The following IMMP2L variants were observed in gnomAD, a reference collection of about 807,000 sequenced individuals.
IMMP2L encodes the protein inner mitochondrial membrane peptidase subunit 2.
IMMP2L carries 18 observed loss-of-function variants against 19.3 expected under a neutral mutation model. That is an observed-to-expected ratio of 0.93 (90% confidence interval 0.64 to 1.38). The LOEUF is 1.38. Ranked by LOEUF, IMMP2L falls within the 40% of genes most tolerant of loss-of-function variation. IMMP2L has a pLI of 0.00. For synonymous variants in IMMP2L, 76 were observed against 73.0 expected (o/e 1.04, Z -0.21); for missense variants, 233 against 218.2 (o/e 1.07, Z -0.43).
At chr7:111,255,465 T>A (rs1257557325) in intron 3 of IMMP2L, among the ~76,000 whole-genome samples, 1 of 152,120 alleles carries the variant, frequency 6.6e-6, no homozygotes, top group Non-Finnish European at 1.5e-5. Context: ...TATTTTTTTT[T>A]ACAGAGAAGC....
At chr7:110,953,401 G>A (rs1818032740) in intron 4 of IMMP2L, among the ~76,000 whole-genome samples, 1 of 150,342 alleles carries the variant, frequency 6.7e-6, no homozygotes, top group Non-Finnish European at 1.5e-5. Flanking sequence ...ACCACTTAAT[G>A]AGTGAGAACA....
At chr7:110,664,102 A>G (rs1281435816) in intron 5 of IMMP2L, among the ~76,000 whole-genome samples, 1 of 152,190 alleles carries the variant, frequency 6.6e-6, no homozygotes, top group Non-Finnish European at 1.5e-5. Context: ...CGAGTCCACC[A>G]TCTTAACCAT....
intron 3 of IMMP2L, among the ~76,000 whole-genome samples, chr7:111,306,839 A>T (rs1822931158): frequency 6.6e-6 from 1 of 151,912 alleles, no homozygotes; most frequent in South Asian, 2.1e-4. Flanking sequence ...TCTGCTACCC[A>T]CAGCAAATGG....
intron 5 of IMMP2L, among the ~76,000 whole-genome samples, chr7:110,847,437 A>G (rs1480273092): frequency 5.9e-5 from 9 of 152,208 alleles, no homozygotes. Flanking sequence ...AAACTCAGAT[A>G]ATACAGAAAA....
At chr7:111,003,182 A>C (rs929932938) in intron 3 of IMMP2L, among the ~76,000 whole-genome samples, 4 of 152,076 alleles carry the variant, frequency 2.6e-5, no homozygotes, top group African/African-American at 9.7e-5. Flanking sequence ...TCTGGCTCTA[A>C]AACTGTTATT....
intron 3 of IMMP2L, among the ~76,000 whole-genome samples, chr7:111,013,702 G>A (rs1015479768): frequency 1.3e-5 from 2 of 152,112 alleles, no homozygotes; most frequent in Non-Finnish European, 2.9e-5. Flanking sequence ...TCATTTTACA[G>A]TGAAGTAGAA....
At chr7:110,973,572 T>C (rs185883004) in intron 3 of IMMP2L, among the ~76,000 whole-genome samples, 60 of 152,268 alleles carry the variant, frequency 3.9e-4, no homozygotes, top group Middle Eastern at 3.4e-3. Flanking sequence ...TTTTCTATTA[T>C]TCTTTAGTAC....
chr7:110,670,922 C>G (rs1047574231), intron 5 of IMMP2L, among the ~76,000 whole-genome samples: 7 of 152,206 alleles, frequency 4.6e-5, no homozygotes, highest in Non-Finnish European at 8.8e-5. Flanking sequence ...CTTATTGGAA[C>G]TTGATTCTCC....
At chr7:111,021,303 C>T (rs2129566714) in intron 3 of IMMP2L, among the ~76,000 whole-genome samples, 1 of 152,312 alleles carries the variant, frequency 6.6e-6, no homozygotes, top group African/African-American at 2.4e-5. Flanking sequence ...TATTTATTTT[C>T]TCATAAGCCT....
At chr7:111,503,511 C>G (rs1844531958) in intron 2 of IMMP2L, among the ~76,000 whole-genome samples, 2 of 151,922 alleles carry the variant, frequency 1.3e-5, no homozygotes, top group South Asian at 4.2e-4. Flanking sequence ...GGCAGAGACA[C>G]AACAAAAAAA....
chr7:111,538,317 C>T (rs182627312), intron 1 of IMMP2L, among the ~76,000 whole-genome samples: 13 of 152,132 alleles, frequency 8.5e-5, no homozygotes, highest in Admixed American at 6.5e-4. Flanking sequence ...CTTGATTGAA[C>T]AGCACTGCAC....
Position 111,559,104 on chromosome 7 carries a change from C to T in IMMP2L, c.-3+2747G>A, listed in dbSNP as rs79663937. Among the ~76,000 whole-genome samples, 321 of 152,188 alleles carry T rather than the reference C, an allele frequency of 2.1e-3. 3 individuals are homozygous for T. The highest frequency in any genetic ancestry group is 7.3e-3 in the African/African-American group (304 of 41,520). On this transcript the variant is annotated intron_variant, in intron 1 of 5. Transcript: ENST00000405709. The stretch of plus-strand genomic sequence containing the variant: ...TCATACTAAACCCTACAGACCACAG[C>T]TTATGAGAGAAATGCCACAAACTAT...
chr7:110,934,733 T>A (rs929049148), intron 4 of IMMP2L, among the ~76,000 whole-genome samples: 17 of 152,208 alleles, frequency 1.1e-4, no homozygotes, highest in Admixed American at 1.1e-3. Context: ...ATTGCATTGA[T>A]CCCTTTACCA....
intron 4 of IMMP2L, among the ~76,000 whole-genome samples, chr7:110,938,249 T>A (rs1816334214): frequency 6.6e-6 from 1 of 152,180 alleles, no homozygotes; most frequent in Admixed American, 6.5e-5. Flanking sequence ...TGTTCAGCAT[T>A]ATGTTAGATT....
intron 4 of IMMP2L, among the ~76,000 whole-genome samples, chr7:110,899,238 C>T (rs986707369): frequency 5.3e-5 from 8 of 152,044 alleles, no homozygotes; most frequent in Admixed American, 3.3e-4. Context: ...ATTACAAGAA[C>T]CCACTAGAAT....
intron 3 of IMMP2L, among the ~76,000 whole-genome samples, chr7:111,148,881 A>C (rs964002411): frequency 5.9e-5 from 9 of 151,992 alleles, no homozygotes; most frequent in Admixed American, 2.0e-4. Context: ...ATGTGGAATA[A>C]CTCACTGAAT....
intron 1 of IMMP2L, among the ~76,000 whole-genome samples, chr7:111,537,527 C>CTTTTT (rs5886594): frequency 1.3e-5 from 1 of 78,554 alleles, no homozygotes; most frequent in Non-Finnish European, 2.4e-5. Context: ...ATCACTTCCA[C>CTTTTT]TTTTTTTTTT....
At chr7:111,485,835 T>C (rs1320558535) in intron 3 of IMMP2L, among the ~76,000 whole-genome samples, 2 of 152,050 alleles carry the variant, frequency 1.3e-5, no homozygotes, top group African/African-American at 4.8e-5. Context: ...TATTTTTCAA[T>C]TATCTATTTA....
At position 111,161,098 on chromosome 7, in the gene IMMP2L, T is replaced by C. The variant is rs144580808; in HGVS notation, c.240-197533A>G. ...TAAATGGAATTATTTCCTTAAAATCTTTCCATAAATACAACAGACTCCGAG... is the reference window on the plus strand; with the variant it reads ...TAAATGGAATTATTTCCTTAAAATCCTTCCATAAATACAACAGACTCCGAG... On this transcript the variant is annotated intron_variant, in intron 3 of 5. Coordinates refer to ENST00000405709, the MANE Select transcript of IMMP2L (RefSeq NM_032549.4). 7.2e-3 allele frequency among the ~76,000 whole-genome samples: 1,091 copies of C among 151,990 alleles called. 14 individuals carry two copies. The highest frequency in any genetic ancestry group is 0.024 in the African/African-American group (1,016 of 41,558).
Sources: allele counts gnomAD v4.1 joint callset (sites outside exome capture counted in the v4.1 genomes callset), GRCh38; gene constraint gnomAD v4.1.1; transcripts MANE v1.5; gene names NCBI Gene and HGNC (gene_info 2026-07-23, HGNC 2026-07-21).